The following TLK1 variants were observed in gnomAD, a reference collection of about 807,000 sequenced individuals.
TLK1 encodes serine/threonine-protein kinase tousled-like 1.
Under a neutral mutation model 105.3 loss-of-function variants are expected in TLK1, and 24 were observed. That is an observed-to-expected ratio of 0.23 (90% CI 0.17 to 0.32). TLK1 has a LOEUF of 0.32. Among genes scored for constraint, TLK1 ranks in the 10% least tolerant of loss-of-function variants. The probability of loss-of-function intolerance (pLI) is 1.00; values close to 1 mark genes in which losing one functional copy is unlikely to be tolerated. For missense variants in TLK1, 558 were observed against 910.5 expected (o/e 0.61, Z 4.98); for synonymous variants, 321 against 310.4 (o/e 1.03, Z -0.36).
intron 2 of TLK1, among the ~76,000 whole-genome samples, chr2:171,102,815 T>C (rs1326537094): frequency 2.0e-5 from 3 of 152,190 alleles, no homozygotes; most frequent in African/African-American, 7.2e-5. Context: ...TTGTAGATGC[T>C]AGGGATACAG....
intron 1 of TLK1, among the ~76,000 whole-genome samples, chr2:171,216,800 T>C (rs1224327581): frequency 6.6e-6 from 1 of 152,170 alleles, no homozygotes; most frequent in Non-Finnish European, 1.5e-5. Context: ...AAACGTCATG[T>C]AACAACAAAG....
chr2:171,045,091 G>A (rs1686882966), intron 11 of TLK1: 2 of 152,104 alleles, frequency 1.3e-5, no homozygotes, highest in Admixed American at 1.3e-4. Flanking sequence ...AACAAGCAGA[G>A]CACAAAGGAG....
intron 1 of TLK1, among the ~76,000 whole-genome samples, chr2:171,152,948 C>T (rs1253152041): frequency 6.6e-6 from 1 of 152,090 alleles, no homozygotes; most frequent in East Asian, 1.9e-4. Context: ...ACAGCTGGTA[C>T]AGCTTTCTAA....
chr2:171,229,730 C>T (rs1026585286), intron 1 of TLK1, among the ~76,000 whole-genome samples: 3 of 152,214 alleles, frequency 2.0e-5, no homozygotes, highest in African/African-American at 7.2e-5. Flanking sequence ...AATCCTTCCT[C>T]CTGGCTTAGG....
intron 3 of TLK1, among the ~76,000 whole-genome samples, chr2:171,074,586 C>T (rs1277819299): frequency 6.9e-6 from 1 of 145,116 alleles, no homozygotes; most frequent in Non-Finnish European, 1.5e-5. Context: ...GAGATCGTGC[C>T]ATTGCACTCC....
At chr2:171,087,756 G>A (rs1689047403) in intron 2 of TLK1, among the ~76,000 whole-genome samples, 2 of 152,114 alleles carry the variant, frequency 1.3e-5, no homozygotes, top group African/African-American at 4.8e-5. Flanking sequence ...AAGGATAAAA[G>A]TAACAGTTGA....
At chr2:171,174,771 T>C (rs1399251549) in intron 1 of TLK1, among the ~76,000 whole-genome samples, 7 of 152,226 alleles carry the variant, frequency 4.6e-5, no homozygotes, top group Non-Finnish European at 2.9e-5. Context: ...AATAGTCTTT[T>C]GGATAACATT....
chr2:171,093,052 A>AT (rs1169338561), intron 2 of TLK1, among the ~76,000 whole-genome samples: 1 of 152,224 alleles, frequency 6.6e-6, no homozygotes, highest in Non-Finnish European at 1.5e-5. Flanking sequence ...TCTTAAAAAT[A>AT]TATGCCAGTC....
At chr2:171,133,507 G>C (rs190170216) in intron 1 of TLK1, among the ~76,000 whole-genome samples, 3 of 152,132 alleles carry the variant, frequency 2.0e-5, no homozygotes, top group African/African-American at 7.2e-5. Flanking sequence ...GCTGAGGCAC[G>C]AGAACCACCT....
intron 1 of TLK1, among the ~76,000 whole-genome samples, chr2:171,125,250 AT>A (rs1336316810): frequency 6.6e-6 from 1 of 152,142 alleles, no homozygotes; most frequent in Non-Finnish European, 1.5e-5. Flanking sequence ...TAATTTTTCT[AT>A]TGCTTTCCTC....
intron 1 of TLK1, among the ~76,000 whole-genome samples, chr2:171,178,741 C>T (rs1166598606): frequency 1.3e-5 from 2 of 152,124 alleles, no homozygotes; most frequent in African/African-American, 4.8e-5. Context: ...ATATATTGCT[C>T]TTATTCTTTT....
At chr2:171,011,293 C>T (rs560387445) in intron 14 of TLK1, 80 bp downstream of exon 14, 94 of 1,234,052 alleles carry the variant, frequency 7.6e-5, no homozygotes, top group Non-Finnish European at 1.0e-4. Flanking sequence ...CATGCCCAGA[C>T]AACGTAAGTA....
intron 1 of TLK1, among the ~76,000 whole-genome samples, chr2:171,128,641 G>A (rs2114596): frequency 0.4 from 61,224 of 151,824 alleles, 14,078 homozygotes; most frequent in African/African-American, 0.61. Context: ...ATTTCTTTAT[G>A]CTAATATAGT....
At chr2:171,222,576 C>T (rs1449904601) in intron 1 of TLK1, among the ~76,000 whole-genome samples, 1 of 152,190 alleles carries the variant, frequency 6.6e-6, no homozygotes, top group Middle Eastern at 3.4e-3. Context: ...AAGTGATCCA[C>T]CCCCCTCTGC....
chr2:171,058,240 G>T, intron 4 of TLK1, 43 bp from the exon 5 acceptor site: 2 of 1,571,806 alleles, frequency 1.3e-6, no homozygotes, highest in Non-Finnish European at 8.7e-7. Flanking sequence ...GTAGTGATGG[G>T]CATCAAAAAA....
chr2:171,124,543 C>A (rs575306321), intron 1 of TLK1, among the ~76,000 whole-genome samples: 2 of 152,286 alleles, frequency 1.3e-5, no homozygotes, highest in East Asian at 3.9e-4. Context: ...CTAGTTAAGT[C>A]CAAAAGAGCA....
At chr2:171,086,705 T>C (rs529149507) in intron 2 of TLK1, among the ~76,000 whole-genome samples, 2 of 151,930 alleles carry the variant, frequency 1.3e-5, no homozygotes, top group African/African-American at 4.8e-5. Context: ...GTTTCCTGTT[T>C]TTACAGCTTT....
At chr2:171,054,909 T>G (rs1687423176) in intron 7 of TLK1, 174 bp downstream of exon 7, 6 of 388,856 alleles carry the variant, frequency 1.5e-5, no homozygotes, top group Non-Finnish European at 2.3e-5. Context: ...ATTGTGTGTT[T>G]CAGTTTCTCA....
At chr2:171,003,471 A>T (rs1684496115) in intron 18 of TLK1, among the ~76,000 whole-genome samples, 2 of 152,040 alleles carry the variant, frequency 1.3e-5, no homozygotes, top group South Asian at 4.1e-4. Context: ...TTTTTCTTGT[A>T]ATGTCATGAT....
Sources: gnomAD v4.1 joint callset for allele counts (sites outside exome capture counted in the v4.1 genomes callset) on GRCh38, gnomAD v4.1.1 for gene constraint, MANE v1.5 for transcripts, NCBI Gene and HGNC (gene_info 2026-07-23, HGNC 2026-07-21) for gene names.